Variants in NRXN1 observed in about 807,000 individuals in gnomAD.
The protein encoded by NRXN1 is neurexin 1, also known as neurexin-1.
NRXN1 carries 39 observed loss-of-function variants against 150.9 expected under a neutral mutation model. The ratio of observed to expected loss-of-function variants is 0.26; its 90% CI spans 0.20 to 0.34. The LOEUF (loss-of-function observed/expected upper bound fraction) is 0.34, where lower values mean the gene tolerates loss of function less well. Among genes scored for constraint, NRXN1 ranks in the 10% least tolerant of loss-of-function variants. The pLI is 1.00. For missense variants in NRXN1, 1,815 were observed against 1,949.9 expected, an observed-to-expected ratio of 0.93 and a Z score of 1.30; for synonymous variants, 924 against 757.0, an observed-to-expected ratio of 1.22 and a Z score of -3.62.
chr2:50,740,386 A>C (rs1433834684), intron 5 of NRXN1, among the ~76,000 whole-genome samples: 3 of 152,196 alleles, frequency 2.0e-5, no homozygotes, highest in Non-Finnish European at 4.4e-5. Context: ...GGATGCAATG[A>C]ATGAAACTAC....
chr2:51,001,105 G>T (rs1454669409), intron 2 of NRXN1, among the ~76,000 whole-genome samples: 8 of 151,664 alleles, frequency 5.3e-5, no homozygotes, highest in Non-Finnish European at 1.2e-4. Context: ...ATAGATTTTT[G>T]TGTTTTGTTT....
At chr2:50,275,704 T>C (rs1035497167) in intron 17 of NRXN1, among the ~76,000 whole-genome samples, 14 of 152,118 alleles carry the variant, frequency 9.2e-5, no homozygotes, top group African/African-American at 3.4e-4. Flanking sequence ...CAATCAGTAG[T>C]TCATTTTGGT....
At chr2:49,992,727 T>A (rs767119422) in intron 21 of NRXN1, among the ~76,000 whole-genome samples, 1 of 151,622 alleles carries the variant, frequency 6.6e-6, no homozygotes, top group Admixed American at 6.6e-5. Flanking sequence ...AACTCAACAA[T>A]GATAAAACAA....
chr2:50,769,669 A>T (rs2105440406), intron 5 of NRXN1, among the ~76,000 whole-genome samples: 1 of 152,160 alleles, frequency 6.6e-6, no homozygotes, highest in South Asian at 2.1e-4. Flanking sequence ...AGGAAATTCT[A>T]CCTGATCCTT....
At chr2:50,662,291 G>A (rs1687409655) in intron 5 of NRXN1, among the ~76,000 whole-genome samples, 1 of 151,924 alleles carries the variant, frequency 6.6e-6, no homozygotes. Context: ...GGTATGTTTT[G>A]AAACATACAG....
At chr2:50,605,838 G>A (rs994020342) in intron 8 of NRXN1, among the ~76,000 whole-genome samples, 5 of 152,058 alleles carry the variant, frequency 3.3e-5, no homozygotes, top group South Asian at 2.1e-4. Context: ...AGAGATATTT[G>A]TACTCCTATG....
At chr2:50,686,616 T>A (rs1432753105) in intron 5 of NRXN1, among the ~76,000 whole-genome samples, 2 of 152,144 alleles carry the variant, frequency 1.3e-5, no homozygotes, top group Non-Finnish European at 2.9e-5. Flanking sequence ...AAACTACAAG[T>A]AAAAATTGAC....
intron 5 of NRXN1, among the ~76,000 whole-genome samples, chr2:50,910,818 A>T (rs1684411507): frequency 6.6e-6 from 1 of 151,980 alleles, no homozygotes; most frequent in Non-Finnish European, 1.5e-5. Context: ...TGACCAAAAA[A>T]GTAAGATTCA....
intron 17 of NRXN1, among the ~76,000 whole-genome samples, chr2:50,447,479 CAAAAAAAAA>C (rs35878890): frequency 2.6e-4 from 10 of 38,566 alleles, no homozygotes; most frequent in South Asian, 1.2e-3. Flanking sequence ...GACTCTGTCT[CAAAAAAAAA>C]AAAAAAAAAA....
chr2:49,952,478 A>C (rs1674141681), intron 21 of NRXN1, among the ~76,000 whole-genome samples: 1 of 152,098 alleles, frequency 6.6e-6, no homozygotes, highest in Admixed American at 6.6e-5. Flanking sequence ...TATTGACATA[A>C]TTACAGTTAT....
chr2:50,166,618 A>G (rs2059705563), intron 18 of NRXN1, among the ~76,000 whole-genome samples: 1 of 152,136 alleles, frequency 6.6e-6, no homozygotes, highest in African/African-American at 2.4e-5. Flanking sequence ...TTTGGCTACT[A>G]ACTTTGTAGT....
At chr2:50,075,654 C>T (rs1192966728) in intron 19 of NRXN1, among the ~76,000 whole-genome samples, 1 of 152,080 alleles carries the variant, frequency 6.6e-6, no homozygotes, top group African/African-American at 2.4e-5. Context: ...CTTTTTTTAT[C>T]AGAATTGTGT....
chr2:49,937,641 C>T (rs1412388094), intron 22 of NRXN1, among the ~76,000 whole-genome samples: 1 of 152,130 alleles, frequency 6.6e-6, no homozygotes, highest in Non-Finnish European at 1.5e-5. Flanking sequence ...ATGAGCTGGG[C>T]CCTCAGCGCT....
intron 8 of NRXN1, among the ~76,000 whole-genome samples, chr2:50,576,276 T>C (rs1671420785): frequency 6.6e-6 from 1 of 152,196 alleles, no homozygotes; most frequent in Non-Finnish European, 1.5e-5. Flanking sequence ...TCATATTTTG[T>C]ATACTGCAGT....
intron 21 of NRXN1, among the ~76,000 whole-genome samples, chr2:49,992,778 G>A (rs146605018): frequency 0.012 from 1,876 of 152,210 alleles, 45 homozygotes; most frequent in African/African-American, 0.042. Flanking sequence ...ACCAAAAAGA[G>A]ATATAGATGG....
chr2:50,199,503 ATCGC>A (rs2062008079), intron 18 of NRXN1, among the ~76,000 whole-genome samples: 1 of 149,882 alleles, frequency 6.7e-6, no homozygotes, highest in Non-Finnish European at 1.5e-5. Context: ...TGCCAAAGTA[ATCGC>A]TCTCTCTCTT....
chr2:49,988,705 A>G (rs1278246589), intron 21 of NRXN1, among the ~76,000 whole-genome samples: 1 of 151,880 alleles, frequency 6.6e-6, no homozygotes, highest in East Asian at 1.9e-4. Context: ...GTACAAATAA[A>G]TTTGGGAAGC....
chr2:50,568,132 T>A (rs1041639167), intron 8 of NRXN1, among the ~76,000 whole-genome samples: 4 of 152,110 alleles, frequency 2.6e-5, no homozygotes, highest in African/African-American at 9.7e-5. Context: ...GATCAAGTAA[T>A]GTAGCCTATT....
intron 17 of NRXN1, among the ~76,000 whole-genome samples, chr2:50,369,950 A>G (rs1420254779): frequency 1.3e-5 from 2 of 152,046 alleles, no homozygotes; most frequent in African/African-American, 4.8e-5. Flanking sequence ...AAAGGAAAAT[A>G]TAAAATGAAT....
Sources: gnomAD v4.1 joint callset for allele counts (sites outside exome capture counted in the v4.1 genomes callset) on GRCh38, gnomAD v4.1.1 for gene constraint, MANE v1.5 for transcripts, NCBI Gene and HGNC (gene_info 2026-07-23, HGNC 2026-07-21) for gene names.